Variants in SPTLC1 observed in about 807,000 individuals in gnomAD.
The protein encoded by SPTLC1 is serine palmitoyltransferase long chain base subunit 1, also known as serine palmitoyltransferase 1.
Under a neutral mutation model 68.9 loss-of-function variants are expected in SPTLC1, and 55 were observed. That is an observed-to-expected ratio of 0.80 (90% CI 0.64 to 1.00). The LOEUF (loss-of-function observed/expected upper bound fraction) is 1.00, where lower values mean the gene tolerates loss of function less well. Among genes scored for constraint, SPTLC1 ranks in the 50% least tolerant of loss-of-function variants. The pLI is 0.00. For missense variants in SPTLC1, 449 were observed against 573.1 expected (o/e 0.78, Z 2.21); for synonymous variants, 197 against 201.6 (o/e 0.98, Z 0.19).
intron 5 of SPTLC1, among the ~76,000 whole-genome samples, chr9:92,075,918 T>C (rs1039302404): frequency 6.6e-6 from 1 of 152,154 alleles, no homozygotes; most frequent in Non-Finnish European, 1.5e-5. Flanking sequence ...TTTCCCCATA[T>C]TTCCCTTTTT....
chr9:92,113,947 CT>C (rs1836335778), intron 1 of SPTLC1, among the ~76,000 whole-genome samples: 1 of 152,182 alleles, frequency 6.6e-6, no homozygotes, highest in South Asian at 2.1e-4. Flanking sequence ...TGGACAGTCA[CT>C]AAGTTACACG....
chr9:92,058,381 C>A (rs1203896273), intron 7 of SPTLC1, among the ~76,000 whole-genome samples: 1 of 152,096 alleles, frequency 6.6e-6, no homozygotes, highest in Non-Finnish European at 1.5e-5. Flanking sequence ...CTAGTTATGA[C>A]TGAGTTGCAC....
chr9:92,047,484 T>A, intron 10 of SPTLC1, 129 bp downstream of exon 10: 1 of 766,998 alleles, frequency 1.3e-6, no homozygotes, highest in South Asian at 1.6e-5. Context: ...AGTGATTCTT[T>A]AAAAATTGAC....
At chr9:92,100,724 C>T (rs868619984) in intron 3 of SPTLC1, among the ~76,000 whole-genome samples, 1 of 151,874 alleles carries the variant, frequency 6.6e-6, no homozygotes, top group African/African-American at 2.4e-5. Flanking sequence ...TTCCTGACAC[C>T]GCCGCCTTCT....
chr9:92,080,434 G>C (rs1186942635), intron 4 of SPTLC1, among the ~76,000 whole-genome samples: 1 of 152,200 alleles, frequency 6.6e-6, no homozygotes, highest in Non-Finnish European at 1.5e-5. Flanking sequence ...GCCTAACACT[G>C]AGCCACATAA....
intron 13 of SPTLC1, among the ~76,000 whole-genome samples, chr9:92,036,151 A>G: frequency 6.6e-6 from 1 of 152,198 alleles, no homozygotes; most frequent in East Asian, 1.9e-4. Flanking sequence ...TATTTTTTCT[A>G]TCAATGAAGT....
chr9:92,109,545 A>G (rs535493483), intron 2 of SPTLC1: 12 of 152,338 alleles, frequency 7.9e-5, no homozygotes, highest in African/African-American at 2.2e-4. Context: ...CACAAATCTC[A>G]GAATATTTCG....
chr9:92,069,765 C>T (rs1041402643), intron 5 of SPTLC1, among the ~76,000 whole-genome samples: 2 of 152,194 alleles, frequency 1.3e-5, no homozygotes, highest in African/African-American at 4.8e-5. Context: ...TTGAAAGTAT[C>T]TGCCACAAAC....
At position 92,073,864 on chromosome 9, in the gene SPTLC1, C is replaced by G. The variant is rs189681156; in HGVS notation, c.428-5766G>C. On this transcript the variant is annotated intron_variant, in intron 5 of 14. Transcript: ENST00000262554. ...CAAAAACTTCAAGGCGTACAAACCG[C>G]AGCGTTTAACTGCCCCTCTGGGACC... 3.9e-3 allele frequency among the ~76,000 whole-genome samples: 595 copies of G among 152,330 alleles called. 4 individuals are homozygous for G. The highest frequency in any genetic ancestry group is 6.3e-3 in the Non-Finnish European group (429 of 68,024).
chr9:92,081,014 C>T lies in SPTLC1; in HGVS notation c.261-51G>A, dbSNP rs746947670. 5.1e-6 allele frequency: 7 copies of T among 1,366,586 alleles called. No homozygotes were observed. In the East Asian group the frequency reaches 1.4e-4, roughly 27 times the overall value. 84.7% of individuals were successfully genotyped at this position (1,366,586 alleles called of 1,614,324 possible). On this transcript the variant is annotated intron_variant, in intron 3 of 14. Transcript: ENST00000262554. ...GTCAATTACACATTCATGTTACATG[C>T]TATCATATTACCTTGGTGGTAGGCA...
chr9:92,060,624 C>G (rs1834057208), intron 6 of SPTLC1, among the ~76,000 whole-genome samples: 1 of 151,930 alleles, frequency 6.6e-6, no homozygotes, highest in African/African-American at 2.4e-5. Flanking sequence ...TATTCACTGA[C>G]AGCCGGGCGC....
At chr9:92,055,704 G>A (rs1285025516) in intron 7 of SPTLC1, among the ~76,000 whole-genome samples, 1 of 152,154 alleles carries the variant, frequency 6.6e-6, no homozygotes, top group Non-Finnish European at 1.5e-5. Flanking sequence ...CATTAGCTAG[G>A]TGACCCGCCA....
At chr9:92,062,316 T>G (rs1314204525) in intron 6 of SPTLC1, among the ~76,000 whole-genome samples, 1 of 152,108 alleles carries the variant, frequency 6.6e-6, no homozygotes, top group African/African-American at 2.4e-5. Flanking sequence ...TCAAGAAAAC[T>G]TAGTAATCCT....
At chr9:92,099,376 A>G (rs1835660614) in intron 3 of SPTLC1, among the ~76,000 whole-genome samples, 1 of 152,196 alleles carries the variant, frequency 6.6e-6, no homozygotes, top group Non-Finnish European at 1.5e-5. Flanking sequence ...ATCGCCTACA[A>G]TTAATGGATA....
chr9:92,085,788 G>A (rs1323607125), intron 3 of SPTLC1, among the ~76,000 whole-genome samples: 1 of 152,050 alleles, frequency 6.6e-6, no homozygotes, highest in East Asian at 1.9e-4. Flanking sequence ...TTCAATTCCT[G>A]GGTATCCTTG....
At chr9:92,041,873 T>A (rs1833360288) in intron 12 of SPTLC1, among the ~76,000 whole-genome samples, 1 of 152,012 alleles carries the variant, frequency 6.6e-6, no homozygotes, top group Admixed American at 6.5e-5. Flanking sequence ...TTAATAGATG[T>A]AAAAAAAATG....
intron 5 of SPTLC1, 81 bp from the exon 6 acceptor site, chr9:92,068,179 G>T: frequency 1.4e-6 from 2 of 1,399,906 alleles, no homozygotes; most frequent in Non-Finnish European, 2.0e-6. Context: ...AAGAACACAA[G>T]CAGTATAATT....
At chr9:92,049,009 G>T (rs1833612118) in intron 9 of SPTLC1, among the ~76,000 whole-genome samples, 1 of 152,134 alleles carries the variant, frequency 6.6e-6, no homozygotes. Flanking sequence ...CTTAAAAAAG[G>T]CTGTAGTGTA....
intron 3 of SPTLC1, among the ~76,000 whole-genome samples, chr9:92,101,105 A>C (rs985079405): frequency 2.4e-4 from 37 of 152,214 alleles, no homozygotes; most frequent in African/African-American, 8.2e-4. Context: ...AGTTACCCTA[A>C]ATAAATGGAA....
Sources: allele counts gnomAD v4.1 joint callset (sites outside exome capture counted in the v4.1 genomes callset), GRCh38; gene constraint gnomAD v4.1.1; transcripts MANE v1.5; gene names NCBI Gene and HGNC (gene_info 2026-07-23, HGNC 2026-07-21).